The following UBAC2 variants were observed in gnomAD, a reference collection of about 807,000 sequenced individuals.
The protein encoded by UBAC2 is UBA domain containing 2, also known as ubiquitin-associated domain-containing protein 2.
Under a neutral mutation model 44.0 loss-of-function variants are expected in UBAC2, and 26 were observed. That is an observed-to-expected ratio of 0.59 (90% confidence interval 0.43 to 0.82). The LOEUF (loss-of-function observed/expected upper bound fraction) is 0.82. Ranked by LOEUF, UBAC2 falls within the 40% of genes least tolerant of loss-of-function variation. The probability of loss-of-function intolerance (pLI) is 0.00; values close to 1 mark genes in which losing one functional copy is unlikely to be tolerated. For missense variants in UBAC2, 329 were observed against 419.4 expected (o/e 0.78, Z 1.88); for synonymous variants, 155 against 154.3 (o/e 1.00, Z -0.04).
At chr13:99,201,660 GTTA>G in intron 1 of UBAC2, 2 of 307,758 alleles carry the variant, frequency 6.5e-6, no homozygotes, top group Non-Finnish European at 1.3e-5. Flanking sequence ...CGTGTTAACA[GTTA>G]GGCACGGGTA....
At chr13:99,255,875 T>C (rs1356446988) in intron 4 of UBAC2, 4 of 1,543,340 alleles carry the variant, frequency 2.6e-6, no homozygotes, top group Non-Finnish European at 1.7e-6. Flanking sequence ...GTGATCATTT[T>C]ACAGCTTGTT....
In UBAC2 at chr13:99,267,040, C is replaced by T. The variant is rs1216494724; in HGVS notation, c.389+22416C>T. On this transcript the variant is annotated intron_variant, in intron 4 of 8. Transcript: ENST00000403766. ...CTCACACTCGCCCTTCCCTCCCCTCCCTCCCTTCCTTTCCTGTAGTAGCCA... is the reference window on the plus strand; with the variant it reads ...CTCACACTCGCCCTTCCCTCCCCTCTCTCCCTTCCTTTCCTGTAGTAGCCA... Among the ~76,000 whole-genome samples, 50 of 152,060 alleles carry T rather than the reference C, an allele frequency of 3.3e-4. 1 individual carries two copies. The highest frequency in any genetic ancestry group is 1.5e-5 in the Non-Finnish European group (1 of 68,000).
rs114346424 is a variant in UBAC2, at chr13:99,380,431, C to T, written c.928-4797C>T. ...AGCCACAGCAGTAATTGTTAGTGTC[C>T]ACCAAAGAGCCCTACAGACAACTGT... On this transcript the variant is annotated intron_variant, in intron 8 of 8. Coordinates refer to ENST00000403766, the MANE Select transcript of UBAC2 (RefSeq NM_001144072.2). Among the ~76,000 whole-genome samples, 236 of 152,234 alleles carry T rather than the reference C, an allele frequency of 1.6e-3. 2 individuals carry two copies. The highest frequency in any genetic ancestry group is 5.5e-3 in the African/African-American group (227 of 41,544).
At chr13:99,350,347 G>A (rs1031179448) in intron 7 of UBAC2, among the ~76,000 whole-genome samples, 3 of 152,140 alleles carry the variant, frequency 2.0e-5, no homozygotes, top group African/African-American at 7.2e-5. Flanking sequence ...GCCTCAGATG[G>A]GGGCTGGTTA....
At chr13:99,342,180 TC>T (rs1433038787) in intron 7 of UBAC2, among the ~76,000 whole-genome samples, 1 of 152,188 alleles carries the variant, frequency 6.6e-6, no homozygotes, top group Non-Finnish European at 1.5e-5. Context: ...CAGCTGCAGT[TC>T]CAGCAAAAGC....
At chr13:99,201,704 T>G in intron 1 of UBAC2, 6 of 859,924 alleles carry the variant, frequency 7.0e-6, no homozygotes, top group Non-Finnish European at 1.1e-5. Flanking sequence ...AATTTTGCAA[T>G]TGCTTGTCAC....
At chr13:99,237,299 G>C (rs1215424458) in intron 1 of UBAC2, among the ~76,000 whole-genome samples, 2 of 97,468 alleles carry the variant, frequency 2.1e-5, no homozygotes, top group Non-Finnish European at 5.3e-5. Context: ...CACACACACA[G>C]TGGAATATTA....
At chr13:99,366,245 G>C (rs900527888) in intron 7 of UBAC2, among the ~76,000 whole-genome samples, 1 of 152,036 alleles carries the variant, frequency 6.6e-6, no homozygotes, top group East Asian at 1.9e-4. Flanking sequence ...ATCATTTTCA[G>C]ATCCTCCTAT....
intron 1 of UBAC2, among the ~76,000 whole-genome samples, chr13:99,235,629 GC>G (rs2043224167): frequency 6.6e-6 from 1 of 152,120 alleles, no homozygotes; most frequent in Non-Finnish European, 1.5e-5. Context: ...TGCATTTGCA[GC>G]CAAAAAAGGT....
intron 7 of UBAC2, among the ~76,000 whole-genome samples, chr13:99,358,095 C>T (rs919620984): frequency 1.3e-5 from 2 of 152,032 alleles, no homozygotes; most frequent in Non-Finnish European, 2.9e-5. Flanking sequence ...TGTGAGAGCA[C>T]GCAGAGGAGT....
chr13:99,376,775 T>C (rs2045485406), intron 8 of UBAC2: 1 of 152,216 alleles, frequency 6.6e-6, no homozygotes, highest in African/African-American at 2.4e-5. Flanking sequence ...TAATCTGATA[T>C]TTTGTGGTGA....
chr13:99,253,894 T>G (rs1269808126), intron 4 of UBAC2, among the ~76,000 whole-genome samples: 1 of 152,366 alleles, frequency 6.6e-6, no homozygotes, highest in Admixed American at 6.5e-5. Flanking sequence ...ATAAAGGTAA[T>G]TTAGCAGAGA....
chr13:99,250,409 A>G (rs1367901362), intron 4 of UBAC2, among the ~76,000 whole-genome samples: 2 of 152,050 alleles, frequency 1.3e-5, no homozygotes, highest in African/African-American at 4.8e-5. Context: ...ATTCTGTTCC[A>G]CTGGTCTGTA....
chr13:99,204,880 T>C (rs1480555793), intron 1 of UBAC2, among the ~76,000 whole-genome samples: 2 of 147,072 alleles, frequency 1.4e-5, no homozygotes, highest in Non-Finnish European at 3.0e-5. Context: ...TGGCCGCAGG[T>C]GTAAGGGGGA....
At chr13:99,319,317 A>T (rs993307836) in intron 6 of UBAC2, among the ~76,000 whole-genome samples, 2 of 152,232 alleles carry the variant, frequency 1.3e-5, no homozygotes, top group Admixed American at 1.3e-4. Flanking sequence ...TAGAGCATAG[A>T]TTTTATTTCT....
intron 4 of UBAC2, among the ~76,000 whole-genome samples, chr13:99,290,878 A>C (rs544911805): frequency 1.3e-5 from 2 of 152,294 alleles, no homozygotes; most frequent in South Asian, 4.1e-4. Flanking sequence ...GAATGCAGGT[A>C]GAGTTTGTAG....
chr13:99,255,568 A>G, intron 4 of UBAC2: 1 of 1,614,184 alleles, frequency 6.2e-7, no homozygotes, highest in South Asian at 1.1e-5. Flanking sequence ...TGGGTAAAAC[A>G]CTGTGAGAGC....
chr13:99,368,116 G>A (rs542923868), intron 8 of UBAC2, among the ~76,000 whole-genome samples: 69 of 152,012 alleles, frequency 4.5e-4, no homozygotes, highest in African/African-American at 1.6e-3. Flanking sequence ...GGGGGGCGGC[G>A]GGTGGGAATG....
At chr13:99,250,976 C>T (rs1166903883) in intron 4 of UBAC2, among the ~76,000 whole-genome samples, 2 of 152,138 alleles carry the variant, frequency 1.3e-5, no homozygotes, top group Non-Finnish European at 2.9e-5. Flanking sequence ...GTCTCGATCT[C>T]CTGACCTCGT....
Sources: gnomAD v4.1 joint callset for allele counts (sites outside exome capture counted in the v4.1 genomes callset) on GRCh38, gnomAD v4.1.1 for gene constraint, MANE v1.5 for transcripts, NCBI Gene and HGNC (gene_info 2026-07-23, HGNC 2026-07-21) for gene names.